The following SLC25A12 variants were observed in gnomAD, a reference collection of about 807,000 sequenced individuals.
SLC25A12 encodes the protein solute carrier family 25 member 12.
Under a neutral mutation model 83.3 loss-of-function variants are expected in SLC25A12, and 32 were observed. That is an observed-to-expected ratio of 0.38 (90% CI 0.29 to 0.52). The LOEUF is 0.52. SLC25A12 is among the 20% of genes least tolerant of loss of function. The probability of loss-of-function intolerance (pLI) is 0.84; values close to 1 mark genes in which losing one functional copy is unlikely to be tolerated. For synonymous variants in SLC25A12, 267 were observed against 291.1 expected (o/e 0.92, Z 0.84); for missense variants, 611 against 835.6 (o/e 0.73, Z 3.31).
chr2:171,893,298 C>T (rs1189437916), intron 1 of SLC25A12, 40 bp from the exon 2 acceptor site: 2 of 1,524,146 alleles, frequency 1.3e-6, no homozygotes, highest in African/African-American at 2.7e-5. Context: ...TAATGCTTCA[C>T]TAGAGACCAC....
At chr2:171,893,640 C>T (rs1343460313) in intron 1 of SLC25A12, among the ~76,000 whole-genome samples, 2 of 152,194 alleles carry the variant, frequency 1.3e-5, no homozygotes, top group African/African-American at 2.4e-5. Context: ...AATCACTTGG[C>T]CTAGCAGCCT....
intron 2 of SLC25A12, among the ~76,000 whole-genome samples, chr2:171,878,912 G>A (rs1458479652): frequency 2.0e-5 from 3 of 152,176 alleles, no homozygotes; most frequent in African/African-American, 4.8e-5. Flanking sequence ...AGTCAGGAAT[G>A]CATGCCCTTT....
intron 12 of SLC25A12, 68 bp downstream of exon 12, chr2:171,810,156 T>C: frequency 7.1e-7 from 1 of 1,415,776 alleles, no homozygotes; most frequent in Non-Finnish European, 1.0e-6. Flanking sequence ...CGCCTAGCCT[T>C]GATTTTAGCT....
At chr2:171,848,582 TG>T (rs1285449776) in intron 4 of SLC25A12, among the ~76,000 whole-genome samples, 1 of 151,630 alleles carries the variant, frequency 6.6e-6, no homozygotes, top group Non-Finnish European at 1.5e-5. Flanking sequence ...AAGGAAAAAT[TG>T]GGAGGAAAGA....
chr2:171,869,785 C>T (rs1034004875), intron 2 of SLC25A12, among the ~76,000 whole-genome samples: 1 of 152,110 alleles, frequency 6.6e-6, no homozygotes, highest in Non-Finnish European at 1.5e-5. Flanking sequence ...CTGAAGAATA[C>T]AAGGGCTCAC....
At chr2:171,817,528 G>A (rs1408740402) in intron 9 of SLC25A12, among the ~76,000 whole-genome samples, 1 of 147,598 alleles carries the variant, frequency 6.8e-6, no homozygotes, top group Non-Finnish European at 1.5e-5. Flanking sequence ...CTTGGACCTG[G>A]AGGTGGAGGT....
At position 171,855,860 on chromosome 2, in the gene SLC25A12, T is replaced by C. The variant is rs750465649; in HGVS notation, c.299A>G (p.Lys100Arg). 3.7e-6 allele frequency: 6 copies of C among 1,611,246 alleles called. No homozygotes were observed. Among genetic ancestry groups the C allele is most frequent in the East Asian group, 2.2e-5 (1 of 44,848 alleles). The change falls in exon 4 of 18, where the codon AAG (lysine) becomes AGG (arginine). Residue 100 changes from lysine (K) to arginine (R), a missense_variant. Transcript: ENST00000422440. Reference protein sequence around the residue: ...MFIVAFQLFDKSGNGEVTFEN... With the variant: ...MFIVAFQLFDRSGNGEVTFEN... ...AAATGTCACCTCTCCATTTCCACTCTTGTCAAACAACTGGAAAGCCACTAT... is the reference window on the plus strand; with the variant it reads ...AAATGTCACCTCTCCATTTCCACTCCTGTCAAACAACTGGAAAGCCACTAT...
intron 13 of SLC25A12, among the ~76,000 whole-genome samples, chr2:171,796,070 C>G (rs1041127742): frequency 1.3e-5 from 2 of 152,096 alleles, no homozygotes; most frequent in African/African-American, 2.4e-5. Context: ...CTCAGCTTCC[C>G]GAGTAGCTGG....
In SLC25A12 at chr2:171,792,290, A is replaced by AT. The variant is rs5836350; in HGVS notation, c.1447-702dup. Reference sequence around the variant, plus strand: ...TAATGACTCTGTTTTATTCTTTTTAATTTTTTTTTTTTTCTGAGACAGGGT... The same window carrying AT: ...TAATGACTCTGTTTTATTCTTTTTAATTTTTTTTTTTTTTCTGAGACAGGGT... On this transcript the variant is annotated intron_variant, in intron 14 of 17. Coordinates refer to ENST00000422440, the MANE Select transcript of SLC25A12 (RefSeq NM_003705.5). Among the ~76,000 whole-genome samples, 216 of 143,178 alleles carry AT rather than the reference A, an allele frequency of 1.5e-3. 1 individual carries two copies. The highest frequency in any genetic ancestry group is 0.012 in the East Asian group (58 of 4,940). The allele number at this position is 143,178 out of a possible 152,430, so 93.9% of individuals were successfully genotyped here. A position where few individuals can be genotyped will look rare whatever the true frequency, so the allele number is the denominator to read the frequency against.
chr2:171,797,051 T>C (rs1003788237), intron 13 of SLC25A12, among the ~76,000 whole-genome samples: 4 of 152,226 alleles, frequency 2.6e-5, no homozygotes, highest in Non-Finnish European at 4.4e-5. Context: ...AGAAATACCA[T>C]ATTTCTTCTA....
At chr2:171,819,209 A>ATATATAATACATATTATATATG (rs1195901716) in intron 9 of SLC25A12, among the ~76,000 whole-genome samples, 4 of 128,636 alleles carry the variant, frequency 3.1e-5, no homozygotes, top group Admixed American at 8.7e-5. Flanking sequence ...TTAATATATA[A>ATATATAATACATATTATATATG]TATATAATAC....
chr2:171,821,347 CAT>C (rs574676192), intron 9 of SLC25A12, among the ~76,000 whole-genome samples: 39 of 152,232 alleles, frequency 2.6e-4, no homozygotes, highest in Non-Finnish European at 5.4e-4. Context: ...TCTTAACACA[CAT>C]GTGTAAACAT....
At chr2:171,883,032 T>C (rs1685729120) in intron 2 of SLC25A12, among the ~76,000 whole-genome samples, 2 of 152,184 alleles carry the variant, frequency 1.3e-5, no homozygotes, top group Admixed American at 1.3e-4. Context: ...AAATCGGTAT[T>C]TGTCAATAAC....
intron 4 of SLC25A12, among the ~76,000 whole-genome samples, chr2:171,851,352 G>T (rs748995756): frequency 6.6e-6 from 1 of 151,548 alleles, no homozygotes; most frequent in South Asian, 2.1e-4. Context: ...CACCACGCCC[G>T]GCTAATTTTT....
chr2:171,875,401 GC>G (rs1191102639), intron 2 of SLC25A12, among the ~76,000 whole-genome samples: 2 of 152,122 alleles, frequency 1.3e-5, no homozygotes, highest in East Asian at 3.9e-4. Flanking sequence ...TGTTCAAAAT[GC>G]CAAGAACCTG....
intron 11 of SLC25A12, 88 bp downstream of exon 11, chr2:171,813,251 A>G: frequency 7.4e-7 from 1 of 1,357,354 alleles, no homozygotes; most frequent in Non-Finnish European, 1.1e-6. Context: ...TAGGCATACT[A>G]CATATTGGCT....
Position 171,804,334 on chromosome 2 carries a change from T to C in SLC25A12, c.1305+5272A>G, listed in dbSNP as rs536500905. On this transcript the variant is annotated intron_variant, in intron 13 of 17. Transcript: ENST00000422440. Reference sequence around the variant, plus strand: ...GTGCAGTGGGCACAATCTCTGCTCATTGCAACCTCCGCCTCCCAGGCTCAA... The same window carrying C: ...GTGCAGTGGGCACAATCTCTGCTCACTGCAACCTCCGCCTCCCAGGCTCAA... Among the ~76,000 whole-genome samples, 27 of 152,168 alleles carry C rather than the reference T, an allele frequency of 1.8e-4. No individual in the cohort carries two copies. In the East Asian group the frequency reaches 4.6e-3, roughly 26 times the overall value.
intron 2 of SLC25A12, among the ~76,000 whole-genome samples, chr2:171,885,700 AATAG>A (rs1323856311): frequency 8.0e-6 from 1 of 124,508 alleles, no homozygotes; most frequent in Non-Finnish European, 1.8e-5. Context: ...TAAATAAATA[AATAG>A]GTTATCATCT....
chr2:171,879,407 A>G (rs1445075634), intron 2 of SLC25A12, among the ~76,000 whole-genome samples: 1 of 152,218 alleles, frequency 6.6e-6, no homozygotes, highest in Non-Finnish European at 1.5e-5. Flanking sequence ...CCACTATAGT[A>G]AGCCCTACTG....
Sources: allele counts gnomAD v4.1 joint callset (sites outside exome capture counted in the v4.1 genomes callset), GRCh38; gene constraint gnomAD v4.1.1; transcripts MANE v1.5; gene names NCBI Gene and HGNC (gene_info 2026-07-23, HGNC 2026-07-21).